Variants in TBC1D23 observed in about 807,000 individuals in gnomAD.
The protein encoded by TBC1D23 is HCV non-structural protein 4A-transactivated protein 1.
In TBC1D23, 55 loss-of-function variants were observed where a neutral mutation model predicts 91.4. The ratio of observed to expected loss-of-function variants is 0.60; its 90% CI spans 0.48 to 0.75. The LOEUF (loss-of-function observed/expected upper bound fraction) is 0.75, where lower values mean the gene tolerates loss of function less well. Among genes scored for constraint, TBC1D23 ranks in the 30% least tolerant of loss-of-function variants. TBC1D23 has a pLI of 0.00. For synonymous variants in TBC1D23, 289 were observed against 281.0 expected (o/e 1.03, Z -0.28); for missense variants, 725 against 836.1 (o/e 0.87, Z 1.64).
chr3:100,309,610 C>CTTTTTTTTTTTTTTTTTTTTTTTTTTTT (rs71132518), intron 13 of TBC1D23, among the ~76,000 whole-genome samples: 1 of 116,124 alleles, frequency 8.6e-6, no homozygotes, highest in Non-Finnish European at 1.7e-5. Flanking sequence ...ATTCTACCTT[C>CTTTTTTTTTTTTTTTTTTTTTTTTTTTT]TTTTTTTTTT....
intron 4 of TBC1D23, among the ~76,000 whole-genome samples, chr3:100,284,907 T>C (rs1191425148): frequency 6.6e-6 from 1 of 152,182 alleles, no homozygotes; most frequent in Non-Finnish European, 1.5e-5. Flanking sequence ...TGATGGGACC[T>C]AGGCATCAGT....
chr3:100,283,927 G>A lies in TBC1D23; in HGVS notation c.476+116G>A, dbSNP rs116177327. 5.1e-3 allele frequency: 3,083 copies of A among 600,632 alleles called. 10 individuals carry two copies. Among genetic ancestry groups the A allele is most frequent in the Middle Eastern group, 6.8e-3 (15 of 2,220 alleles). The allele number at this position is 600,632 out of a possible 1,614,324, so 37.2% of individuals were successfully genotyped here. A position where few individuals can be genotyped will look rare whatever the true frequency, so the allele number is the denominator to read the frequency against. Reference sequence around the variant, plus strand: ...AAGTAAAAGGTTCAAATAATTTTGAGGATTGTTTGATCCATAATTGTTATT... The same window carrying A: ...AAGTAAAAGGTTCAAATAATTTTGAAGATTGTTTGATCCATAATTGTTATT... On this transcript the variant is annotated intron_variant, in intron 4 of 18. Transcript: ENST00000394144.
Position 100,324,946 on chromosome 3 carries a change from G to T in TBC1D23, c.*1278G>T, listed in dbSNP as rs921136565. 5 of 152,162 alleles carry T rather than the reference G, an allele frequency of 3.3e-5. No individual in the cohort carries two copies. The highest frequency in any genetic ancestry group is 5.9e-5 in the Non-Finnish European group (4 of 68,024). 9.4% of individuals were successfully genotyped at this position (152,162 alleles called of 1,614,324 possible). On this transcript the variant is annotated 3_prime_UTR_variant, in exon 19 of 19. Coordinates refer to ENST00000394144, the MANE Select transcript of TBC1D23 (RefSeq NM_001199198.3). Reference sequence around the variant, plus strand: ...TTTGATTTACTTATGGAAATCAAGTGAATAAAAGGCAACATAATTTGGGAA... The same window carrying T: ...TTTGATTTACTTATGGAAATCAAGTTAATAAAAGGCAACATAATTTGGGAA...
intron 2 of TBC1D23, among the ~76,000 whole-genome samples, chr3:100,280,103 G>T (rs2067681731): frequency 6.6e-6 from 1 of 152,066 alleles, no homozygotes; most frequent in Non-Finnish European, 1.5e-5. Context: ...TGGCCAACAT[G>T]GTGAGACCCC....
chr3:100,284,998 C>G (rs1032087178), intron 4 of TBC1D23, among the ~76,000 whole-genome samples: 3 of 152,106 alleles, frequency 2.0e-5, no homozygotes, highest in Non-Finnish European at 2.9e-5. Context: ...TTAACTGACT[C>G]TTATTTTTTA....
At chr3:100,301,090 T>C (rs1208996605) in intron 10 of TBC1D23, among the ~76,000 whole-genome samples, 1 of 152,186 alleles carries the variant, frequency 6.6e-6, no homozygotes, top group Non-Finnish European at 1.5e-5. Context: ...CAAATATTTC[T>C]GTAAAATAGA....
chr3:100,306,142 C>A (rs1020500189), intron 12 of TBC1D23, among the ~76,000 whole-genome samples: 2 of 152,140 alleles, frequency 1.3e-5, no homozygotes, highest in African/African-American at 4.8e-5. Flanking sequence ...TCTGTTAATA[C>A]TTGAAAGATT....
intron 1 of TBC1D23, among the ~76,000 whole-genome samples, chr3:100,276,277 G>C (rs4928166): frequency 0.26 from 38,891 of 151,210 alleles, 5,409 homozygotes; most frequent in Non-Finnish European, 0.31. Context: ...TTCCTAGTGG[G>C]AGATTTCCTA....
intron 16 of TBC1D23, among the ~76,000 whole-genome samples, chr3:100,317,120 C>G (rs1008826344): frequency 1.1e-4 from 17 of 151,316 alleles, no homozygotes; most frequent in African/African-American, 3.2e-4. Flanking sequence ...GTTTATAATT[C>G]TACTGTCCAG....
chr3:100,302,201 C>G lies in TBC1D23; in HGVS notation c.1227C>G (p.Asp409Glu). Residue 409 changes from aspartate (D) to glutamate (E), a missense_variant, in exon 11 of 19, where the codon GAC becomes GAG. Transcript: ENST00000394144. The part of the protein sequence containing the change: ...CFMGSGREEE[D>E]MYMNMVLAHF... Reference sequence around the variant, plus strand: ...TGGGCAGTGGCAGGGAGGAAGAAGACATGTATATGAACATGGTCCTGGCAC... The same window carrying G: ...TGGGCAGTGGCAGGGAGGAAGAAGAGATGTATATGAACATGGTCCTGGCAC... 4 of 1,613,956 alleles carry G rather than the reference C, an allele frequency of 2.5e-6. No homozygotes were observed. The highest frequency in any genetic ancestry group is 3.4e-6 in the Non-Finnish European group (4 of 1,179,942).
At chr3:100,302,839 C>T (rs1412560139) in intron 11 of TBC1D23, among the ~76,000 whole-genome samples, 3 of 152,200 alleles carry the variant, frequency 2.0e-5, no homozygotes, top group South Asian at 2.1e-4. Flanking sequence ...CCGCCCTCCT[C>T]GGCCTCCTAG....
intron 12 of TBC1D23, among the ~76,000 whole-genome samples, chr3:100,305,655 C>G (rs1053636999): frequency 6.6e-6 from 1 of 152,012 alleles, no homozygotes; most frequent in Non-Finnish European, 1.5e-5. Context: ...GGGAGTTAGG[C>G]TGTAACTTAG....
Position 100,323,596 on chromosome 3 carries a change from T to C in TBC1D23, c.2028T>C (p.Ile676=), listed in dbSNP as rs767124860. 6.6e-7 allele frequency: 1 copy of C among 1,504,804 alleles called. No individual in the cohort carries two copies. Among genetic ancestry groups the C allele is most frequent in the Non-Finnish European group, 8.9e-7 (1 of 1,125,644 alleles). The allele number at this position is 1,504,804 out of a possible 1,614,324, so 93.2% of individuals were successfully genotyped here. Residue 676 remains isoleucine (I), a synonymous_variant, in exon 19 of 19, where the codon ATT becomes ATC. Transcript: ENST00000394144. Reference sequence around the variant, plus strand: ...TTTTTTTCCCCCTTAGGTATTTGATTCCAAATGCAGGGGATGCAACTAAAG... The same window carrying C: ...TTTTTTTCCCCCTTAGGTATTTGATCCCAAATGCAGGGGATGCAACTAAAG... ...IEILAIERYL[I]PNAGDATKAI...
intron 8 of TBC1D23, 85 bp downstream of exon 8, chr3:100,296,360 G>T: frequency 1.3e-6 from 1 of 797,954 alleles, no homozygotes; most frequent in South Asian, 2.1e-5. Flanking sequence ...AGTTAAAATA[G>T]GTTGTCAATT....
In TBC1D23 at chr3:100,293,793, C is replaced by A. The variant is rs559798765; in HGVS notation, c.601-1294C>A. On this transcript the variant is annotated intron_variant, in intron 5 of 18. Coordinates refer to ENST00000394144, the MANE Select transcript of TBC1D23 (RefSeq NM_001199198.3). ...GTGAGCTTGAGAAAGTAAAGTAATCCAAGTTCCTCGCCTGAAAAAAATGGG... is the reference window on the plus strand; with the variant it reads ...GTGAGCTTGAGAAAGTAAAGTAATCAAAGTTCCTCGCCTGAAAAAAATGGG... Among the ~76,000 whole-genome samples, 890 of 152,202 alleles carry A rather than the reference C, an allele frequency of 5.8e-3. 11 individuals are homozygous for A. The highest frequency in any genetic ancestry group is 0.021 in the African/African-American group (857 of 41,510).
At chr3:100,277,412 A>G (rs1339319923) in intron 1 of TBC1D23, among the ~76,000 whole-genome samples, 1 of 152,196 alleles carries the variant, frequency 6.6e-6, no homozygotes, top group African/African-American at 2.4e-5. Context: ...GCCCTTGCTC[A>G]TGGTTGTACT....
At chr3:100,313,597 T>A (rs1381713687) in intron 15 of TBC1D23, among the ~76,000 whole-genome samples, 4 of 152,232 alleles carry the variant, frequency 2.6e-5, no homozygotes, top group Non-Finnish European at 5.9e-5. Flanking sequence ...TTTTTAGGAT[T>A]ATCTCTTTAC....
intron 5 of TBC1D23, among the ~76,000 whole-genome samples, chr3:100,291,033 A>G (rs2067785505): frequency 6.6e-6 from 1 of 152,242 alleles, no homozygotes; most frequent in Non-Finnish European, 1.5e-5. Flanking sequence ...TGATACATAT[A>G]TCAGTTCAAT....
chr3:100,321,806 TAAAAG>T (rs1399883125), intron 18 of TBC1D23, among the ~76,000 whole-genome samples: 4 of 146,586 alleles, frequency 2.7e-5, no homozygotes, highest in East Asian at 2.0e-4. Flanking sequence ...TGTAATTTGT[TAAAAG>T]AAAATAATAC....
Sources: allele counts gnomAD v4.1 joint callset (sites outside exome capture counted in the v4.1 genomes callset), GRCh38; gene constraint gnomAD v4.1.1; transcripts MANE v1.5; gene names NCBI Gene and HGNC (gene_info 2026-07-23, HGNC 2026-07-21).